The following MACROD2 variants were observed in gnomAD, a reference collection of about 807,000 sequenced individuals.
MACROD2 encodes mono-ADP ribosylhydrolase 2, also known as ADP-ribose glycohydrolase MACROD2.
A neutral mutation model predicts 70.4 loss-of-function variants in MACROD2; 36 were observed. The ratio of observed to expected loss-of-function variants is 0.51; its 90% CI spans 0.39 to 0.68. MACROD2 has a LOEUF of 0.68. Ranked by LOEUF, MACROD2 falls within the 30% of genes least tolerant of loss-of-function variation. The pLI, the probability that MACROD2 is intolerant of heterozygous loss-of-function variation, is 0.00. For missense variants in MACROD2, 496 were observed against 538.4 expected (o/e 0.92, Z 0.78); for synonymous variants, 172 against 178.8 (o/e 0.96, Z 0.30).
chr20:15,101,832 T>C (rs1424072120), intron 5 of MACROD2, among the ~76,000 whole-genome samples: 2 of 152,036 alleles, frequency 1.3e-5, no homozygotes, highest in Non-Finnish European at 2.9e-5. Context: ...AAGTATTGAT[T>C]ATTTAATATG....
At chr20:14,890,364 A>G (rs1008511037) in intron 5 of MACROD2, among the ~76,000 whole-genome samples, 1 of 152,126 alleles carries the variant, frequency 6.6e-6, no homozygotes, top group Non-Finnish European at 1.5e-5. Flanking sequence ...CAGGAACCAG[A>G]GAAAGAGGCT....
At chr20:14,544,175 GATAA>G (rs1478774100) in intron 4 of MACROD2, among the ~76,000 whole-genome samples, 3 of 150,760 alleles carry the variant, frequency 2.0e-5, no homozygotes, top group African/African-American at 7.3e-5. Context: ...TTGTTAGGTT[GATAA>G]ATATATTCTT....
At chr20:14,389,131 C>A (rs781037774) in intron 3 of MACROD2, among the ~76,000 whole-genome samples, 4 of 152,042 alleles carry the variant, frequency 2.6e-5, no homozygotes, top group Admixed American at 2.0e-4. Context: ...CCGCTCGCCT[C>A]GGCCTTCCAA....
intron 6 of MACROD2, among the ~76,000 whole-genome samples, chr20:15,321,826 T>TC (rs1396115203): frequency 2.1e-5 from 3 of 144,272 alleles, no homozygotes; most frequent in Admixed American, 7.0e-5. Context: ...AGAGTCTCAC[T>TC]CTGTTGCCCA....
chr20:15,288,189 A>AT lies in MACROD2; in HGVS notation c.540+58132dup, dbSNP rs367630862. 4.4e-3 allele frequency among the ~76,000 whole-genome samples: 671 copies of AT among 152,318 alleles called. 7 individuals carry two copies. The highest frequency in any genetic ancestry group is 0.016 in the African/African-American group (648 of 41,560). ...CACTATGTTGGTTGACATAGTTGAA[A>AT]TTTTGAAGAATTCTGGCACAGCTCT... On this transcript the variant is annotated intron_variant, in intron 6 of 17. Transcript: ENST00000684519.
chr20:15,510,482 C>T (rs1409251410), intron 8 of MACROD2, among the ~76,000 whole-genome samples: 1 of 152,122 alleles, frequency 6.6e-6, no homozygotes, highest in East Asian at 1.9e-4. Flanking sequence ...AAGGCATTTC[C>T]CCTTTCTAGT....
chr20:15,964,263 C>T (rs1408006216), intron 12 of MACROD2, among the ~76,000 whole-genome samples: 2 of 152,120 alleles, frequency 1.3e-5, no homozygotes, highest in Non-Finnish European at 2.9e-5. Context: ...ATACCATTAA[C>T]TGGGTGGCTT....
At chr20:15,942,917 A>G (rs1436199750) in intron 12 of MACROD2, among the ~76,000 whole-genome samples, 1 of 152,204 alleles carries the variant, frequency 6.6e-6, no homozygotes, top group Non-Finnish European at 1.5e-5. Context: ...TATGCTCATT[A>G]ATATTAAAAA....
intron 8 of MACROD2, among the ~76,000 whole-genome samples, chr20:15,683,778 C>A (rs990621952): frequency 1.3e-5 from 2 of 152,136 alleles, no homozygotes; most frequent in Non-Finnish European, 2.9e-5. Context: ...GGGGGTTTCA[C>A]CATGTCGGCC....
chr20:15,851,499 C>T (rs1309082109), intron 8 of MACROD2, among the ~76,000 whole-genome samples: 1 of 152,016 alleles, frequency 6.6e-6, no homozygotes, highest in Non-Finnish European at 1.5e-5. Context: ...TGTGCATGTC[C>T]GTGTCCAAAC....
At chr20:14,292,715 A>G (rs1412406406) in intron 3 of MACROD2, among the ~76,000 whole-genome samples, 2 of 150,942 alleles carry the variant, frequency 1.3e-5, no homozygotes, top group Non-Finnish European at 3.0e-5. Flanking sequence ...GCTCACTGCA[A>G]CCTCCGCCTC....
chr20:15,463,223 C>T (rs933930528), intron 7 of MACROD2, among the ~76,000 whole-genome samples: 9 of 152,174 alleles, frequency 5.9e-5, no homozygotes, highest in South Asian at 2.1e-4. Flanking sequence ...GAGGAATGAC[C>T]GCCTGAAGAG....
intron 8 of MACROD2, among the ~76,000 whole-genome samples, chr20:15,601,054 C>T (rs762339119): frequency 6.6e-6 from 1 of 152,152 alleles, no homozygotes; most frequent in Admixed American, 6.5e-5. Flanking sequence ...TAAGAACCAA[C>T]AAGAAACATA....
intron 8 of MACROD2, among the ~76,000 whole-genome samples, chr20:15,579,525 G>A (rs2048495571): frequency 6.6e-6 from 1 of 152,188 alleles, no homozygotes; most frequent in African/African-American, 2.4e-5. Context: ...CTTGCTGTTT[G>A]GTACAGCTTT....
rs180928208 is a variant in MACROD2, at chr20:15,967,495, A to G, written c.908-58A>G. The G allele has an allele frequency of 2.9e-3, 3,945 of 1,366,640 alleles. 10 individuals carry two copies. The highest frequency in any genetic ancestry group is 3.7e-3 in the Non-Finnish European group (3,543 of 967,856). The allele number at this position is 1,366,640 out of a possible 1,614,324, so 84.7% of individuals were successfully genotyped here. On this transcript the variant is annotated intron_variant, in intron 12 of 17. Coordinates refer to ENST00000684519, the MANE Select transcript of MACROD2 (RefSeq NM_001351661.2). ...ATAAATCTATCATGTTAGTGCTGAA[A>G]GCTGCTCTGTTTCCAAGTTAAAAAT... is the stretch of plus-strand genomic sequence containing the variant.
chr20:14,384,452 A>G (rs1403266345), intron 3 of MACROD2, among the ~76,000 whole-genome samples: 1 of 149,412 alleles, frequency 6.7e-6, no homozygotes, highest in Non-Finnish European at 1.5e-5. Context: ...GATAAATACA[A>G]ATGTTTTGTT....
In MACROD2 at chr20:14,816,338, G is replaced by A. The variant is rs563896244; in HGVS notation, c.418+131379G>A. 1.3e-4 allele frequency among the ~76,000 whole-genome samples: 20 copies of A among 152,072 alleles called. No individual in the cohort carries two copies. The South Asian group carries it at 1.5e-3, about 11-fold the overall frequency. ...TTTTTAACTTTATAATAGCAAAAAT[G>A]TTGTTTAAGAAGTAAATAATTCCTA... On this transcript the variant is annotated intron_variant, in intron 5 of 17. Transcript: ENST00000684519.
intron 4 of MACROD2, among the ~76,000 whole-genome samples, chr20:14,502,818 A>G (rs2084928741): frequency 6.6e-6 from 1 of 152,164 alleles, no homozygotes; most frequent in Non-Finnish European, 1.5e-5. Flanking sequence ...GCTTTAATTA[A>G]CCCCTCAAAA....
chr20:14,773,618 G>A (rs1002275011), intron 5 of MACROD2, among the ~76,000 whole-genome samples: 1 of 151,994 alleles, frequency 6.6e-6, no homozygotes, highest in African/African-American at 2.4e-5. Context: ...ATAGAAAATA[G>A]GATGTGTATA....
Sources: allele counts gnomAD v4.1 joint callset (sites outside exome capture counted in the v4.1 genomes callset), GRCh38; gene constraint gnomAD v4.1.1; transcripts MANE v1.5; gene names NCBI Gene and HGNC (gene_info 2026-07-23, HGNC 2026-07-21).